The following XPO7 variants were observed in gnomAD, a reference collection of about 807,000 sequenced individuals.
XPO7 encodes exportin 7.
XPO7 carries 21 observed loss-of-function variants against 144.3 expected under a neutral mutation model. That is an observed-to-expected ratio of 0.15 (90% CI 0.10 to 0.21). The LOEUF (loss-of-function observed/expected upper bound fraction) is 0.21, where lower values mean the gene tolerates loss of function less well. XPO7 is among the 10% of genes least tolerant of loss of function. The probability of loss-of-function intolerance (pLI) is 1.00; values close to 1 mark genes in which losing one functional copy is unlikely to be tolerated. For missense variants in XPO7, 808 were observed against 1,325.8 expected, an observed-to-expected ratio of 0.61 and a Z score of 6.06; for synonymous variants, 580 against 499.6, an observed-to-expected ratio of 1.16 and a Z score of -2.15.
chr8:21,955,540 A>G lies in XPO7; in HGVS notation c.19-11317A>G, dbSNP rs188214307. On this transcript the variant is annotated intron_variant, in intron 1 of 27. Coordinates refer to ENST00000252512, the MANE Select transcript of XPO7 (RefSeq NM_015024.5). ...CAGGGATCTTGGTGATGATTCTGTG[A>G]ACATGACTTGTCCCTGAAGCCACAT... 5.6e-3 allele frequency among the ~76,000 whole-genome samples: 848 copies of G among 152,276 alleles called. 4 individuals carry two copies. Among genetic ancestry groups the G allele is most frequent in the Non-Finnish European group, 9.2e-3 (628 of 68,020 alleles).
Position 22,006,536 on chromosome 8 carries a change from A to C in XPO7, c.*1448A>C, listed in dbSNP as rs1486827941. 1 of 152,176 alleles carries C rather than the reference A, an allele frequency of 6.6e-6. No individual in the cohort carries two copies. Among genetic ancestry groups the C allele is most frequent in the African/African-American group, 2.4e-5 (1 of 41,412 alleles). 9.4% of individuals were successfully genotyped at this position (152,176 alleles called of 1,614,324 possible). A position where few individuals can be genotyped will look rare whatever the true frequency, so the allele number is the denominator to read the frequency against. On this transcript the variant is annotated 3_prime_UTR_variant, in exon 28 of 28. Coordinates refer to ENST00000252512, the MANE Select transcript of XPO7 (RefSeq NM_015024.5). ...ATAGACTTGTAAGGGTGTTTGCTGCATACAGTGTAAGCATTGTGACCGCCA... is the reference window on the plus strand; with the variant it reads ...ATAGACTTGTAAGGGTGTTTGCTGCCTACAGTGTAAGCATTGTGACCGCCA...
chr8:21,972,590 T>A lies in XPO7; in HGVS notation c.492+649T>A, dbSNP rs555716865. ...CTGCTCCTATATACTTTAAATTTTT[T>A]AAATGGTCATTGATGCCACAGAATA... is the stretch of plus-strand genomic sequence containing the variant. On this transcript the variant is annotated intron_variant, in intron 5 of 27. Transcript: ENST00000252512. Among the ~76,000 whole-genome samples, 15 of 152,350 alleles carry A rather than the reference T, an allele frequency of 9.8e-5. No individual in the cohort carries two copies. In the South Asian group the frequency reaches 3.1e-3, roughly 32 times the overall value.
At chr8:21,994,595 C>T in intron 20 of XPO7, 144 bp downstream of exon 20, 1 of 652,250 alleles carries the variant, frequency 1.5e-6, no homozygotes, top group Non-Finnish European at 2.6e-6. Context: ...TGCATGTGTC[C>T]TGGAAGCCAC....
intron 2 of XPO7, among the ~76,000 whole-genome samples, chr8:21,967,579 C>T (rs994488757): frequency 6.6e-6 from 1 of 152,014 alleles, no homozygotes; most frequent in Non-Finnish European, 1.5e-5. Flanking sequence ...GTGATCCACC[C>T]GCCTCGGCCT....
chr8:21,934,678 T>C (rs1810766819), intron 1 of XPO7, among the ~76,000 whole-genome samples: 1 of 152,180 alleles, frequency 6.6e-6, no homozygotes, highest in Non-Finnish European at 1.5e-5. Context: ...GTGGATGAAC[T>C]GTAAGGAGAC....
chr8:21,954,252 A>G (rs1264893971), intron 1 of XPO7, among the ~76,000 whole-genome samples: 1 of 152,214 alleles, frequency 6.6e-6, no homozygotes, highest in Non-Finnish European at 1.5e-5. Flanking sequence ...CAGTGTTTAA[A>G]TGGAGGTTTT....
At chr8:21,949,391 A>G (rs1811298338) in intron 1 of XPO7, among the ~76,000 whole-genome samples, 5 of 152,192 alleles carry the variant, frequency 3.3e-5, no homozygotes, top group African/African-American at 1.2e-4. Flanking sequence ...TCTGAAGCCT[A>G]CATACTGATA....
intron 1 of XPO7, among the ~76,000 whole-genome samples, chr8:21,953,637 A>C (rs1056130426): frequency 2.6e-5 from 4 of 152,328 alleles, no homozygotes; most frequent in African/African-American, 9.6e-5. Flanking sequence ...ATTCTCACCA[A>C]CAGTTCCTGT....
At chr8:21,925,292 T>C (rs1055617611) in intron 1 of XPO7, among the ~76,000 whole-genome samples, 1 of 152,228 alleles carries the variant, frequency 6.6e-6, no homozygotes, top group African/African-American at 2.4e-5. Context: ...TTCGCACATG[T>C]GTGCATGCAC....
chr8:21,970,887 A>G (rs1055947389), intron 4 of XPO7, among the ~76,000 whole-genome samples: 1 of 152,200 alleles, frequency 6.6e-6, no homozygotes, highest in African/African-American at 2.4e-5. Context: ...GTGTGGCCTA[A>G]GTGTACATAT....
intron 1 of XPO7, among the ~76,000 whole-genome samples, chr8:21,943,887 A>G (rs1811074624): frequency 6.6e-6 from 1 of 152,222 alleles, no homozygotes; most frequent in African/African-American, 2.4e-5. Flanking sequence ...CGGAGAGAGT[A>G]GTATGATCTG....
chr8:21,976,311 A>C (rs1812220616), intron 6 of XPO7, 45 bp from the exon 7 acceptor site: 1 of 1,594,020 alleles, frequency 6.3e-7, no homozygotes, highest in African/African-American at 1.3e-5. Context: ...CAAGCTGGGA[A>C]GAGAGGAGTG....
chr8:21,962,416 C>T (rs1451834841), intron 1 of XPO7, among the ~76,000 whole-genome samples: 1 of 151,596 alleles, frequency 6.6e-6, no homozygotes, highest in Non-Finnish European at 1.5e-5. Flanking sequence ...TTTTTTTAGC[C>T]TTGTGAATAG....
At chr8:21,928,400 A>G (rs1327412014) in intron 1 of XPO7, among the ~76,000 whole-genome samples, 1 of 152,258 alleles carries the variant, frequency 6.6e-6, no homozygotes, top group Admixed American at 6.5e-5. Flanking sequence ...GTGAATATTC[A>G]TATACCAGTC....
intron 7 of XPO7, 95 bp downstream of exon 7, chr8:21,976,616 T>A (rs1029860289): frequency 2.0e-5 from 28 of 1,375,822 alleles, no homozygotes; most frequent in Non-Finnish European, 2.6e-5. Context: ...TCCTGTGTAT[T>A]CTGAGGGAGA....
intron 1 of XPO7, among the ~76,000 whole-genome samples, chr8:21,927,797 G>A (rs538975287): frequency 9.9e-5 from 15 of 151,986 alleles, no homozygotes; most frequent in Admixed American, 3.9e-4. Flanking sequence ...CTCCTGTCTC[G>A]GCCTCCCAAA....
At chr8:21,954,282 T>C (rs185165715) in intron 1 of XPO7, among the ~76,000 whole-genome samples, 165 of 152,300 alleles carry the variant, frequency 1.1e-3, no homozygotes, top group African/African-American at 3.8e-3. Flanking sequence ...CTGTACAAAA[T>C]ACACCCAATA....
rs146273226 is a variant in XPO7 at position 21,986,463 on chromosome 8, A to T, written c.1578-678A>T. Among the ~76,000 whole-genome samples the T allele has an allele frequency of 3.7e-3, 569 of 152,146 alleles. 2 individuals are homozygous for T. Among genetic ancestry groups the T allele is most frequent in the African/African-American group, 0.013 (543 of 41,524 alleles). On this transcript the variant is annotated intron_variant, in intron 13 of 27. Coordinates refer to ENST00000252512, the MANE Select transcript of XPO7 (RefSeq NM_015024.5). ...CCACCGCGCCCCGCCTTCAATATATATATCTTCTGAAAATCCTCATTTGTC... is the reference window on the plus strand; with the variant it reads ...CCACCGCGCCCCGCCTTCAATATATTTATCTTCTGAAAATCCTCATTTGTC...
chr8:21,931,936 G>C (rs181119797), intron 1 of XPO7, among the ~76,000 whole-genome samples: 3 of 151,936 alleles, frequency 2.0e-5, no homozygotes. Context: ...GCAGTGGCGC[G>C]GTCTTGGCTC....
Sources: allele counts gnomAD v4.1 joint callset (sites outside exome capture counted in the v4.1 genomes callset), GRCh38; gene constraint gnomAD v4.1.1; transcripts MANE v1.5; gene names NCBI Gene and HGNC (gene_info 2026-07-23, HGNC 2026-07-21).